ITPKB: variants seen among roughly 807,000 people sequenced by gnomAD.
The protein encoded by ITPKB is inositol-trisphosphate 3-kinase B.
ITPKB carries 13 observed loss-of-function variants against 69.4 expected under a neutral mutation model. The observed-to-expected ratio is 0.19, with a 90% CI of 0.12 to 0.30. The LOEUF (loss-of-function observed/expected upper bound fraction) is 0.30. Ranked by LOEUF, ITPKB falls within the 10% of genes least tolerant of loss-of-function variation. ITPKB has a pLI of 1.00. For missense variants in ITPKB, 1,240 were observed against 1,250.5 expected (o/e 0.99, Z 0.13); for synonymous variants, 584 against 513.7 (o/e 1.14, Z -1.85).
At chr1:226,697,264 G>A (rs1455068699) in intron 2 of ITPKB, among the ~76,000 whole-genome samples, 1 of 152,234 alleles carries the variant, frequency 6.6e-6, no homozygotes, top group Non-Finnish European at 1.5e-5. Context: ...TGTGAGGCGT[G>A]ATTAAGGCAT....
chr1:226,738,605 C>T lies in ITPKB; in HGVS notation c.-206+436G>A, dbSNP rs932354311. ...CCACTCGGAGGAACTTAGGGGCGTGCATGGCTGCAGCCGGGCAGCAGCCCT... is the reference window on the plus strand; with the variant it reads ...CCACTCGGAGGAACTTAGGGGCGTGTATGGCTGCAGCCGGGCAGCAGCCCT... On this transcript the variant is annotated intron_variant, in intron 1 of 7. Transcript: ENST00000429204. This position sits in a 1 kb window ranked among gnomAD's most constrained non-coding sequence, Gnocchi z 4.2. Among the ~76,000 whole-genome samples the T allele has an allele frequency of 6.6e-6, 1 of 152,200 alleles. No individual in the cohort carries two copies. The highest frequency in any genetic ancestry group is 2.4e-5 in the African/African-American group (1 of 41,462).
At chr1:226,683,428 C>G (rs1205352612) in intron 2 of ITPKB, among the ~76,000 whole-genome samples, 2 of 152,158 alleles carry the variant, frequency 1.3e-5, no homozygotes, top group African/African-American at 2.4e-5. Flanking sequence ...GGTAAGAAAA[C>G]AGAGGCTCAG....
At chr1:226,647,079 C>T in intron 4 of ITPKB, 88 bp downstream of exon 4, 2 of 1,192,904 alleles carry the variant, frequency 1.7e-6, no homozygotes, top group Admixed American at 3.6e-5. Context: ...ACCTGTGAGG[C>T]CTCCGGGAAG....
intron 2 of ITPKB, 58 bp downstream of exon 2, chr1:226,735,469 C>G: frequency 2.1e-6 from 3 of 1,446,666 alleles, no homozygotes; most frequent in Non-Finnish European, 2.7e-6. Flanking sequence ...ATGCATAGGG[C>G]ATCAAAAGTC....
intron 2 of ITPKB, among the ~76,000 whole-genome samples, chr1:226,700,801 G>T (rs1656618986): frequency 6.6e-6 from 1 of 152,080 alleles, no homozygotes; most frequent in Non-Finnish European, 1.5e-5. Context: ...AGAAGGGAGT[G>T]GGGGCCCAAA....
chr1:226,643,132 G>A (rs1668996463), intron 4 of ITPKB, among the ~76,000 whole-genome samples: 1 of 152,178 alleles, frequency 6.6e-6, no homozygotes, highest in South Asian at 2.1e-4. Flanking sequence ...CACACGAGCA[G>A]CTCCAGCTGA....
intron 2 of ITPKB, among the ~76,000 whole-genome samples, chr1:226,709,550 G>A (rs1656890614): frequency 6.6e-6 from 1 of 152,222 alleles, no homozygotes; most frequent in Non-Finnish European, 1.5e-5. Context: ...CTGTGGAGGG[G>A]ACTAGGGTAG....
intron 2 of ITPKB, among the ~76,000 whole-genome samples, chr1:226,688,849 G>A (rs1194406835): frequency 2.0e-5 from 3 of 152,184 alleles, no homozygotes; most frequent in African/African-American, 7.2e-5. Context: ...ATTGGGAGAA[G>A]GGTCCAGAAA....
At chr1:226,649,657 T>G (rs947135248) in intron 2 of ITPKB, among the ~76,000 whole-genome samples, 3 of 151,656 alleles carry the variant, frequency 2.0e-5, no homozygotes, top group African/African-American at 7.3e-5. Flanking sequence ...TAAGGTATAT[T>G]GAGCATCTTA....
chr1:226,655,404 C>T (rs1227403500), intron 2 of ITPKB, among the ~76,000 whole-genome samples: 2 of 152,198 alleles, frequency 1.3e-5, no homozygotes, highest in Admixed American at 6.5e-5. Context: ...CAGCAGGTGA[C>T]CCCAGGCCTG....
chr1:226,724,989 A>G (rs1657364049), intron 2 of ITPKB, among the ~76,000 whole-genome samples: 1 of 152,214 alleles, frequency 6.6e-6, no homozygotes. Flanking sequence ...AAATTCCTCA[A>G]GACCTTTACC....
intron 2 of ITPKB, among the ~76,000 whole-genome samples, chr1:226,701,582 C>T (rs1380791626): frequency 9.0e-6 from 1 of 110,794 alleles, no homozygotes; most frequent in Non-Finnish European, 1.7e-5. Flanking sequence ...CCAGCTTGGG[C>T]GAAAGAGTGA....
intron 2 of ITPKB, among the ~76,000 whole-genome samples, chr1:226,716,256 GTATATCTCATA>G (rs1657093064): frequency 6.6e-6 from 1 of 152,168 alleles, no homozygotes; most frequent in Admixed American, 6.5e-5. Context: ...GAATAGTTTT[GTATATCTCATA>G]TAAACCCAAA....
chr1:226,670,471 T>G (rs962601283), intron 2 of ITPKB, among the ~76,000 whole-genome samples: 11 of 152,144 alleles, frequency 7.2e-5, no homozygotes, highest in Middle Eastern at 3.2e-3. Context: ...GTAGTGAAAA[T>G]AGCCCAACTT....
intron 2 of ITPKB, among the ~76,000 whole-genome samples, chr1:226,687,587 T>C (rs1656245364): frequency 6.6e-6 from 1 of 152,176 alleles, no homozygotes; most frequent in Admixed American, 6.5e-5. Flanking sequence ...CCACATCTGC[T>C]TTTGCACTTG....
At chr1:226,690,686 C>T (rs1443774617) in intron 2 of ITPKB, among the ~76,000 whole-genome samples, 2 of 152,218 alleles carry the variant, frequency 1.3e-5, no homozygotes, top group African/African-American at 2.4e-5. Context: ...CAGTCGCACA[C>T]ACTTCACTCA....
In ITPKB at chr1:226,736,941, C is replaced by G. The variant is rs3754415; in HGVS notation, c.518G>C (p.Arg173Pro). ...APRSPRLGRA[R>P]SPSPCPFRSS... ...GCGGAAGGGGCACGGGGAGGGCGAGCGAGCCCTGCCCAAACGCGGGCTGCG... is the reference window on the plus strand; with the variant it reads ...GCGGAAGGGGCACGGGGAGGGCGAGGGAGCCCTGCCCAAACGCGGGCTGCG... Residue 173 changes from arginine (R) to proline (P), a missense_variant, in exon 2 of 8, where the codon CGC (arginine) becomes CCC (proline). Coordinates refer to ENST00000429204, the MANE Select transcript of ITPKB (RefSeq NM_002221.4). 6 of 1,611,006 alleles carry G rather than the reference C, an allele frequency of 3.7e-6. No individual in the cohort carries two copies. The highest frequency in any genetic ancestry group is 4.2e-6 in the Non-Finnish European group (5 of 1,179,940).
intron 2 of ITPKB, among the ~76,000 whole-genome samples, chr1:226,718,953 T>C (rs1657162426): frequency 6.6e-6 from 1 of 152,208 alleles, no homozygotes; most frequent in South Asian, 2.1e-4. Context: ...TAGCCAGACC[T>C]GGAAATGACA....
At chr1:226,677,203 A>C (rs1263099584) in intron 2 of ITPKB, among the ~76,000 whole-genome samples, 1 of 152,230 alleles carries the variant, frequency 6.6e-6, no homozygotes, top group African/African-American at 2.4e-5. Context: ...GCTCACAAGG[A>C]TATTTACCGA....
Sources: allele counts gnomAD v4.1 joint callset (sites outside exome capture counted in the v4.1 genomes callset), GRCh38; gene constraint gnomAD v4.1.1; non-coding constraint Gnocchi (gnomAD v3.1); transcripts MANE v1.5; gene names NCBI Gene and HGNC (gene_info 2026-07-23, HGNC 2026-07-21).